SEMA4D: variants seen among roughly 807,000 people sequenced by gnomAD.
SEMA4D encodes the protein semaphorin-4D.
SEMA4D carries 22 observed loss-of-function variants against 74.8 expected under a neutral mutation model. The observed-to-expected ratio is 0.29, with a 90% CI of 0.21 to 0.42. The LOEUF is 0.42. Ranked by LOEUF, SEMA4D falls within the 10% of genes least tolerant of loss-of-function variation. The probability of loss-of-function intolerance (pLI) is 1.00; values close to 1 mark genes in which losing one functional copy is unlikely to be tolerated. For synonymous variants in SEMA4D, 445 were observed against 463.7 expected (o/e 0.96, Z 0.52); for missense variants, 937 against 1,118.4 (o/e 0.84, Z 2.31).
chr9:89,436,991 C>CTG (rs554806593), intron 2 of SEMA4D, among the ~76,000 whole-genome samples: 171 of 152,354 alleles, frequency 1.1e-3, no homozygotes, highest in African/African-American at 3.7e-3. Context: ...CTCTCATGTC[C>CTG]AGCCTTGGAC....
At chr9:89,385,786 G>A (rs1046769478) in intron 13 of SEMA4D, 2 of 554,790 alleles carry the variant, frequency 3.6e-6, no homozygotes, top group Non-Finnish European at 4.6e-6. Flanking sequence ...GGACTGACTG[G>A]GCCTGGATCC....
intron 1 of SEMA4D, among the ~76,000 whole-genome samples, chr9:89,461,830 G>A (rs558806897): frequency 6.6e-6 from 1 of 150,882 alleles, no homozygotes; most frequent in Non-Finnish European, 1.5e-5. Flanking sequence ...AGCCTCCTGA[G>A]TAGCTGGGAT....
In SEMA4D at chr9:89,390,150, C is replaced by T. The variant is rs75092286; in HGVS notation, c.775-1103G>A. Among the ~76,000 whole-genome samples, 669 of 152,312 alleles carry T rather than the reference C, an allele frequency of 4.4e-3. 18 individuals are homozygous for T. In the East Asian group the frequency reaches 0.075, roughly 17 times the overall value. On this transcript the variant is annotated intron_variant, in intron 9 of 15. Coordinates refer to ENST00000422704, the MANE Select transcript of SEMA4D (RefSeq NM_001371194.2). ...GCTGGGTAATAAGTCAAGGTCAAGG[C>T]AAGTCTGATCCTTGGCTTCCCGATG...
At chr9:89,415,268 A>T (rs1338968265) in intron 2 of SEMA4D, among the ~76,000 whole-genome samples, 1 of 152,124 alleles carries the variant, frequency 6.6e-6, no homozygotes, top group Non-Finnish European at 1.5e-5. Flanking sequence ...CCTAATGTTG[A>T]CCTGCTGCCA....
At chr9:89,400,506 A>G (rs1342384085) in intron 4 of SEMA4D, among the ~76,000 whole-genome samples, 1 of 152,190 alleles carries the variant, frequency 6.6e-6, no homozygotes, top group Non-Finnish European at 1.5e-5. Flanking sequence ...GAGGAACCCC[A>G]CTTTAGGTTT....
At chr9:89,427,979 A>G (rs1848459683) in intron 2 of SEMA4D, among the ~76,000 whole-genome samples, 1 of 151,956 alleles carries the variant, frequency 6.6e-6, no homozygotes, top group Admixed American at 6.6e-5. Context: ...CTAGGGATGC[A>G]CTCACCACTA....
intron 2 of SEMA4D, among the ~76,000 whole-genome samples, chr9:89,453,655 C>T (rs1481207379): frequency 4.6e-5 from 7 of 150,704 alleles, no homozygotes; most frequent in East Asian, 1.9e-4. Flanking sequence ...ACAGCCCTGA[C>T]GGTCAGGTTC....
At chr9:89,497,085 T>C (rs7037220) in intron 1 of SEMA4D, among the ~76,000 whole-genome samples, 68,794 of 152,002 alleles carry the variant, frequency 0.45, 16,898 homozygotes, top group East Asian at 0.67. Flanking sequence ...AACTGCCCAC[T>C]TACAGACTCC....
intron 15 of SEMA4D, among the ~76,000 whole-genome samples, chr9:89,380,329 G>A (rs1372740831): frequency 2.6e-5 from 4 of 151,742 alleles, no homozygotes; most frequent in African/African-American, 4.8e-5. Flanking sequence ...CACTGTGCCC[G>A]GCCAGCTTTT....
chr9:89,457,429 C>T (rs943646549), intron 1 of SEMA4D, among the ~76,000 whole-genome samples: 1 of 152,208 alleles, frequency 6.6e-6, no homozygotes, highest in South Asian at 2.1e-4. Flanking sequence ...GAAGTGTATG[C>T]ACCCATCACA....
At chr9:89,396,716 G>A (rs1280605886) in intron 6 of SEMA4D, 21 bp downstream of exon 6, 1 of 1,599,384 alleles carries the variant, frequency 6.3e-7, no homozygotes, top group South Asian at 1.1e-5. Context: ...GTGAGCACAG[G>A]GAGGTGCCCA....
chr9:89,453,646 C>T (rs1479456305), intron 2 of SEMA4D, among the ~76,000 whole-genome samples: 2 of 152,112 alleles, frequency 1.3e-5, no homozygotes, highest in Admixed American at 6.5e-5. Context: ...GGTGGACACA[C>T]AGCCCTGACG....
intron 2 of SEMA4D, among the ~76,000 whole-genome samples, chr9:89,445,710 C>T (rs114661268): frequency 6.6e-6 from 1 of 152,312 alleles, no homozygotes; most frequent in African/African-American, 2.4e-5. Context: ...GGCAGTCAGA[C>T]AGCCGAAGTC....
chr9:89,424,525 G>A (rs942518797), intron 2 of SEMA4D, among the ~76,000 whole-genome samples: 15 of 152,102 alleles, frequency 9.9e-5, no homozygotes, highest in East Asian at 1.9e-4. Context: ...CTTCCGTCCC[G>A]ACTCCAAATT....
intron 2 of SEMA4D, among the ~76,000 whole-genome samples, chr9:89,428,346 G>A (rs918565452): frequency 3.9e-5 from 6 of 152,238 alleles, no homozygotes; most frequent in African/African-American, 7.2e-5. Context: ...CCCTGGCCCT[G>A]CAGGGGAACC....
chr9:89,423,486 G>A (rs35102799), intron 2 of SEMA4D, among the ~76,000 whole-genome samples: 23,533 of 152,066 alleles, frequency 0.15, 2,387 homozygotes, highest in Non-Finnish European at 0.22. Flanking sequence ...CACTGTGTCC[G>A]GCCAGCTCAA....
chr9:89,362,062 A>G, exon 19 of SEMA4D: 1 of 474,396 alleles, frequency 2.1e-6, no homozygotes, highest in Non-Finnish European at 3.9e-6. Flanking sequence ...CTGACCGTAG[A>G]GGAGGAACCT....
chr9:89,475,163 C>T (rs1006864924), intron 1 of SEMA4D, among the ~76,000 whole-genome samples: 3 of 152,218 alleles, frequency 2.0e-5, no homozygotes, highest in Non-Finnish European at 4.4e-5. Flanking sequence ...TGGAGGCCAT[C>T]CTGGGCTGCC....
intron 3 of SEMA4D, among the ~76,000 whole-genome samples, chr9:89,403,802 G>A (rs1054952750): frequency 3.9e-5 from 6 of 152,120 alleles, no homozygotes; most frequent in East Asian, 3.8e-4. Flanking sequence ...GGTGGCGGGC[G>A]CCTGTAACCC....
Sources: gnomAD v4.1 joint callset for allele counts (sites outside exome capture counted in the v4.1 genomes callset) on GRCh38, gnomAD v4.1.1 for gene constraint, MANE v1.5 for transcripts, NCBI Gene and HGNC (gene_info 2026-07-23, HGNC 2026-07-21) for gene names.